Variants in TAFA1 observed in about 807,000 individuals in gnomAD.
TAFA1 encodes chemokine-like protein TAFA-1.
TAFA1 carries 4 observed loss-of-function variants against 18.5 expected under a neutral mutation model. The ratio of observed to expected loss-of-function variants is 0.22; its 90% confidence interval spans 0.11 to 0.49. TAFA1 has a LOEUF of 0.49. TAFA1 is among the 20% of genes least tolerant of loss of function. The pLI is 0.98. For synonymous variants in TAFA1, 56 were observed against 55.2 expected (o/e 1.01, Z -0.06); for missense variants, 147 against 169.0 (o/e 0.87, Z 0.72).
At chr3:68,196,553 T>G (rs2107027097) in intron 2 of TAFA1, among the ~76,000 whole-genome samples, 1 of 151,888 alleles carries the variant, frequency 6.6e-6, no homozygotes, top group South Asian at 2.1e-4. Context: ...GCCTAAATAT[T>G]TTCAAAGCCC....
intron 2 of TAFA1, among the ~76,000 whole-genome samples, chr3:68,040,391 G>A (rs1252399493): frequency 6.6e-6 from 1 of 152,130 alleles, no homozygotes; most frequent in Non-Finnish European, 1.5e-5. Flanking sequence ...CTTCTCTCAA[G>A]GGAGGGTCAC....
intron 2 of TAFA1, among the ~76,000 whole-genome samples, chr3:68,378,449 C>A (rs2069863677): frequency 6.6e-6 from 1 of 152,150 alleles, no homozygotes; most frequent in Non-Finnish European, 1.5e-5. Flanking sequence ...CACATTGTAT[C>A]TAGGAAGTAA....
intron 2 of TAFA1, among the ~76,000 whole-genome samples, chr3:68,136,570 C>A (rs926296167): frequency 2.0e-5 from 3 of 152,174 alleles, no homozygotes; most frequent in Admixed American, 1.3e-4. Flanking sequence ...TTCTCCATGG[C>A]AACCCCAACC....
At chr3:68,463,823 C>A (rs914380691) in intron 3 of TAFA1, among the ~76,000 whole-genome samples, 39 of 152,078 alleles carry the variant, frequency 2.6e-4, no homozygotes, top group African/African-American at 8.9e-4. Flanking sequence ...GAATTATGGA[C>A]CATAGCATTT....
intron 2 of TAFA1, among the ~76,000 whole-genome samples, chr3:68,202,675 T>A (rs534368771): frequency 1.6e-4 from 24 of 151,742 alleles, no homozygotes; most frequent in African/African-American, 5.3e-4. Context: ...TAACTTACAA[T>A]AACAAAACAA....
At chr3:68,165,803 C>T (rs1269534872) in intron 2 of TAFA1, among the ~76,000 whole-genome samples, 1 of 152,198 alleles carries the variant, frequency 6.6e-6, no homozygotes, top group African/African-American at 2.4e-5. Flanking sequence ...AGTAATTAAG[C>T]TTAGAAGGCA....
chr3:68,316,370 C>G (rs1245473926), intron 2 of TAFA1, among the ~76,000 whole-genome samples: 1 of 151,944 alleles, frequency 6.6e-6, no homozygotes, highest in Admixed American at 6.6e-5. Context: ...GAGGATATAC[C>G]CTCAGGTAAA....
intron 2 of TAFA1, among the ~76,000 whole-genome samples, chr3:68,047,092 A>C (rs935074632): frequency 6.6e-6 from 1 of 152,170 alleles, no homozygotes; most frequent in Admixed American, 6.5e-5. Flanking sequence ...TATCTGCTCA[A>C]CTGTTCTCAT....
At chr3:68,326,529 C>T (rs74607259) in intron 2 of TAFA1, among the ~76,000 whole-genome samples, 1,893 of 152,232 alleles carry the variant, frequency 0.012, 52 homozygotes, top group African/African-American at 0.043. Flanking sequence ...TGCAATTCAC[C>T]CCTTCTGCTG....
At chr3:68,156,288 G>T (rs189352382) in intron 2 of TAFA1, among the ~76,000 whole-genome samples, 1 of 152,236 alleles carries the variant, frequency 6.6e-6, no homozygotes, top group Non-Finnish European at 1.5e-5. Context: ...CTTCTAACTA[G>T]GTATCTGGGA....
At chr3:68,171,946 G>A (rs1156429956) in intron 2 of TAFA1, among the ~76,000 whole-genome samples, 1 of 152,122 alleles carries the variant, frequency 6.6e-6, no homozygotes, top group Non-Finnish European at 1.5e-5. Context: ...ACAGAAAAAT[G>A]TGTGTGTTTA....
chr3:68,224,448 G>A (rs1446985446), intron 2 of TAFA1, among the ~76,000 whole-genome samples: 4 of 152,086 alleles, frequency 2.6e-5, no homozygotes, highest in East Asian at 3.9e-4. Flanking sequence ...AACCTATTCC[G>A]AAGGGCTTCT....
intron 3 of TAFA1, among the ~76,000 whole-genome samples, chr3:68,478,421 A>T (rs1212501406): frequency 6.6e-6 from 1 of 152,228 alleles, no homozygotes; most frequent in Non-Finnish European, 1.5e-5. Context: ...ATAAGAAGAA[A>T]AAAAACAAGT....
intron 2 of TAFA1, among the ~76,000 whole-genome samples, chr3:68,305,237 C>T (rs77795743): frequency 0.13 from 19,066 of 149,688 alleles, 1,811 homozygotes; most frequent in East Asian, 0.45. Flanking sequence ...GTTTTTTTTC[C>T]CCCGATGTTT....
At chr3:68,326,693 T>A (rs911269747) in intron 2 of TAFA1, among the ~76,000 whole-genome samples, 8 of 152,118 alleles carry the variant, frequency 5.3e-5, no homozygotes, top group African/African-American at 1.9e-4. Context: ...GGAAAGAAAA[T>A]CAGAATTTGA....
intron 2 of TAFA1, among the ~76,000 whole-genome samples, chr3:68,181,510 A>C (rs1197733610): frequency 6.6e-6 from 1 of 152,196 alleles, no homozygotes; most frequent in Non-Finnish European, 1.5e-5. Flanking sequence ...ATTCAGGGTA[A>C]CCAGTGGTGA....
chr3:68,429,375 C>T (rs1559666072), intron 3 of TAFA1, among the ~76,000 whole-genome samples: 1 of 151,816 alleles, frequency 6.6e-6, no homozygotes, highest in African/African-American at 2.4e-5. Flanking sequence ...TACTATTATT[C>T]CCACTTTACA....
intron 2 of TAFA1, among the ~76,000 whole-genome samples, chr3:68,164,329 ACACT>A (rs1033210059): frequency 2.8e-4 from 42 of 152,340 alleles, no homozygotes; most frequent in African/African-American, 9.9e-4. Flanking sequence ...GAATTCACAC[ACACT>A]CAAGTAGAAT....
Position 68,207,514 on chromosome 3 carries a change from C to T in TAFA1, c.118+200770C>T, listed in dbSNP as rs1024896475. On this transcript the variant is annotated intron_variant, in intron 2 of 4. Coordinates refer to ENST00000478136, the MANE Select transcript of TAFA1 (RefSeq NM_213609.4). ...TGATCATGAGTGTGTCATGTCAGTT[C>T]GCAGAGCCCCACCTCAGACTTACAC... Among the ~76,000 whole-genome samples, 6 of 151,740 alleles carry T rather than the reference C, an allele frequency of 4.0e-5. No individual in the cohort carries two copies. In the East Asian group the frequency reaches 7.8e-4, roughly 20 times the overall value.
Sources: allele counts gnomAD v4.1 joint callset (sites outside exome capture counted in the v4.1 genomes callset), GRCh38; gene constraint gnomAD v4.1.1; transcripts MANE v1.5; gene names NCBI Gene and HGNC (gene_info 2026-07-23, HGNC 2026-07-21).